Variants in ADAMTS12 observed in about 807,000 individuals in gnomAD.
ADAMTS12 encodes A disintegrin and metalloproteinase with thrombospondin motifs 12.
ADAMTS12 carries 118 observed loss-of-function variants against 167.8 expected under a neutral mutation model. That is an observed-to-expected ratio of 0.70 (90% CI 0.61 to 0.82). The LOEUF is 0.82. Among genes scored for constraint, ADAMTS12 ranks in the 40% least tolerant of loss-of-function variants. The pLI is 0.00. For missense variants in ADAMTS12, 1,916 were observed against 1,998.8 expected, an observed-to-expected ratio of 0.96 and a Z score of 0.79; for synonymous variants, 704 against 716.9, an observed-to-expected ratio of 0.98 and a Z score of 0.29.
At chr5:33,564,555 A>G (rs1435225791) in intron 19 of ADAMTS12, among the ~76,000 whole-genome samples, 2 of 152,208 alleles carry the variant, frequency 1.3e-5, no homozygotes, top group Non-Finnish European at 2.9e-5. Flanking sequence ...GTCTTGTGCA[A>G]CAGTGTGTGG....
chr5:33,565,797 C>T (rs914448756), intron 19 of ADAMTS12, among the ~76,000 whole-genome samples: 11 of 150,304 alleles, frequency 7.3e-5, no homozygotes, highest in South Asian at 2.1e-4. Context: ...ATAATCAAAA[C>T]GTGTTAATTA....
chr5:33,691,053 C>T (rs1733499526), intron 3 of ADAMTS12, among the ~76,000 whole-genome samples: 1 of 152,190 alleles, frequency 6.6e-6, no homozygotes. Context: ...AACTCAGGGA[C>T]TTTCACGCTT....
At position 33,596,062 on chromosome 5, in the gene ADAMTS12, T is replaced by G; in HGVS notation, c.2528-2A>C. Reference sequence around the variant, plus strand: ...AATGGGCAGTTTGGCGGCGGATACCTGGGGGTCAGACAGAAAGATTCACAC... The same window carrying G: ...AATGGGCAGTTTGGCGGCGGATACCGGGGGGTCAGACAGAAAGATTCACAC... On this transcript the variant is annotated splice_acceptor_variant, in intron 16 of 23. Coordinates refer to ENST00000504830, the MANE Select transcript of ADAMTS12 (RefSeq NM_030955.4). LOFTEE classifies it high-confidence loss of function. 1 of 1,613,770 alleles carries G rather than the reference T, an allele frequency of 6.2e-7. No individual in the cohort carries two copies. The highest frequency in any genetic ancestry group is 8.5e-7 in the Non-Finnish European group (1 of 1,179,832).
At chr5:33,831,265 T>C (rs997156201) in intron 2 of ADAMTS12, among the ~76,000 whole-genome samples, 1 of 152,186 alleles carries the variant, frequency 6.6e-6, no homozygotes, top group African/African-American at 2.4e-5. Flanking sequence ...AAAGATGAGG[T>C]CAGTGAGGCA....
chr5:33,706,072 C>T (rs895421434), intron 3 of ADAMTS12, among the ~76,000 whole-genome samples: 1 of 152,000 alleles, frequency 6.6e-6, no homozygotes, highest in Non-Finnish European at 1.5e-5. Flanking sequence ...CAATGCAACT[C>T]CTATCAAAAT....
chr5:33,669,761 CAA>C (rs1365481684), intron 5 of ADAMTS12, among the ~76,000 whole-genome samples: 1 of 151,128 alleles, frequency 6.6e-6, no homozygotes, highest in East Asian at 1.9e-4. Flanking sequence ...AGTGCTGGAG[CAA>C]CTAGATATCC....
intron 5 of ADAMTS12, among the ~76,000 whole-genome samples, chr5:33,675,118 C>G (rs532687229): frequency 2.0e-5 from 3 of 152,310 alleles, no homozygotes; most frequent in African/African-American, 7.2e-5. Flanking sequence ...GTCGCCAGAA[C>G]TATGGGCCAA....
At chr5:33,855,916 G>T (rs138808300) in intron 2 of ADAMTS12, among the ~76,000 whole-genome samples, 8 of 151,964 alleles carry the variant, frequency 5.3e-5, no homozygotes, top group Admixed American at 1.3e-4. Flanking sequence ...TTTGTTTGTA[G>T]CGATGATGCC....
rs571681384 is a variant in ADAMTS12, at chr5:33,800,978, C to T, written c.490-49430G>A. Among the ~76,000 whole-genome samples, 70 of 152,176 alleles carry T rather than the reference C, an allele frequency of 4.6e-4. 1 individual carries two copies. In the South Asian group the frequency reaches 0.014, roughly 31 times the overall value. ...GGTCCTAAATGTAGTCACATGTATG[C>T]TTATGAGAGGAATGCAGAAGATTTG... is the stretch of plus-strand genomic sequence containing the variant. On this transcript the variant is annotated intron_variant, in intron 2 of 23. Coordinates refer to ENST00000504830, the MANE Select transcript of ADAMTS12 (RefSeq NM_030955.4).
intron 6 of ADAMTS12, among the ~76,000 whole-genome samples, chr5:33,661,027 C>A (rs564910048): frequency 6.6e-6 from 1 of 152,210 alleles, no homozygotes; most frequent in Non-Finnish European, 1.5e-5. Context: ...GCAGCCTATC[C>A]TCCAAAGGGA....
At chr5:33,530,917 T>A (rs1394147300) in intron 23 of ADAMTS12, among the ~76,000 whole-genome samples, 1 of 152,224 alleles carries the variant, frequency 6.6e-6, no homozygotes, top group Non-Finnish European at 1.5e-5. Context: ...TCTGTGAATG[T>A]GATCTGATTT....
intron 2 of ADAMTS12, chr5:33,840,160 G>C (rs1340053398): frequency 6.6e-6 from 1 of 152,158 alleles, no homozygotes; most frequent in Non-Finnish European, 1.5e-5. Flanking sequence ...TTTCTCCAAA[G>C]CTTTACAAAA....
intron 2 of ADAMTS12, among the ~76,000 whole-genome samples, chr5:33,878,408 A>G (rs1750307532): frequency 6.6e-6 from 1 of 152,188 alleles, no homozygotes; most frequent in African/African-American, 2.4e-5. Context: ...CATCATCTTA[A>G]CTAACACTTT....
intron 3 of ADAMTS12, 135 bp from the exon 4 acceptor site, chr5:33,684,190 C>T: frequency 1.9e-6 from 1 of 538,798 alleles, no homozygotes; most frequent in Non-Finnish European, 2.8e-6. Flanking sequence ...ACGTACATAA[C>T]CAAAATAGAC....
chr5:33,682,916 C>A, intron 5 of ADAMTS12, 102 bp downstream of exon 5: 2 of 920,248 alleles, frequency 2.2e-6, no homozygotes. Flanking sequence ...CTTCCAAACA[C>A]TTTCTGGTAC....
chr5:33,879,443 T>A (rs765741710), intron 2 of ADAMTS12, among the ~76,000 whole-genome samples: 1 of 152,170 alleles, frequency 6.6e-6, no homozygotes, highest in Non-Finnish European at 1.5e-5. Flanking sequence ...CTTCCAGGGT[T>A]GTCTCACAGG....
chr5:33,634,823 C>A (rs891172144), intron 12 of ADAMTS12, among the ~76,000 whole-genome samples: 3 of 151,816 alleles, frequency 2.0e-5, no homozygotes, highest in East Asian at 1.9e-4. Flanking sequence ...ATGAATTAAA[C>A]CCTTGTCATT....
At chr5:33,633,237 C>G (rs565153259) in intron 12 of ADAMTS12, among the ~76,000 whole-genome samples, 1 of 134,200 alleles carries the variant, frequency 7.5e-6, no homozygotes, top group Admixed American at 8.1e-5. Context: ...CTGGAAAAGT[C>G]TTCTTTCCCC....
At chr5:33,559,910 A>T (rs1172263858) in intron 20 of ADAMTS12, among the ~76,000 whole-genome samples, 1 of 152,122 alleles carries the variant, frequency 6.6e-6, no homozygotes, top group African/African-American at 2.4e-5. Flanking sequence ...AAATAAGAAG[A>T]TCAGTGCAGG....
Sources: gnomAD v4.1 joint callset for allele counts (sites outside exome capture counted in the v4.1 genomes callset) on GRCh38, gnomAD v4.1.1 for gene constraint, MANE v1.5 for transcripts, NCBI Gene and HGNC (gene_info 2026-07-23, HGNC 2026-07-21) for gene names.